CA13: variants seen among roughly 807,000 people sequenced by gnomAD.
CA13 encodes carbonic anhydrase 13.
Under a neutral mutation model 31.5 loss-of-function variants are expected in CA13, and 21 were observed. That is an observed-to-expected ratio of 0.67 (90% CI 0.47 to 0.96). The LOEUF is 0.96. Ranked by LOEUF, CA13 falls within the 40% of genes least tolerant of loss-of-function variation. The pLI is 0.00. For missense variants in CA13, 315 were observed against 318.9 expected (o/e 0.99, Z 0.09); for synonymous variants, 117 against 111.4 (o/e 1.05, Z -0.32).
At chr8:85,255,626 C>T (rs1263037116) in intron 2 of CA13, among the ~76,000 whole-genome samples, 2 of 152,174 alleles carry the variant, frequency 1.3e-5, no homozygotes, top group Admixed American at 1.3e-4. Context: ...AATCCACCCG[C>T]CTTGGCCTCC....
At chr8:85,253,318 G>A (rs1342310597) in intron 2 of CA13, among the ~76,000 whole-genome samples, 2 of 151,982 alleles carry the variant, frequency 1.3e-5, no homozygotes, top group Non-Finnish European at 2.9e-5. Context: ...AGGCTGGAGT[G>A]CAGTGGTGCA....
intron 6 of CA13, among the ~76,000 whole-genome samples, chr8:85,280,881 T>C (rs1328064828): frequency 6.6e-6 from 1 of 152,252 alleles, no homozygotes; most frequent in African/African-American, 2.4e-5. Context: ...AGTTCATTTT[T>C]GTCATAAAAT....
chr8:85,249,225 G>A (rs1388088812), intron 1 of CA13, among the ~76,000 whole-genome samples: 3 of 152,172 alleles, frequency 2.0e-5, no homozygotes, highest in Non-Finnish European at 4.4e-5. Context: ...TGGGCCAGGC[G>A]TGGTGGCTCA....
intron 6 of CA13, among the ~76,000 whole-genome samples, chr8:85,273,472 G>GA (rs538246476): frequency 1.7e-3 from 260 of 152,174 alleles, no homozygotes; most frequent in African/African-American, 5.9e-3. Context: ...TAATCCCACT[G>GA]AAAGATTCTC....
intron 2 of CA13, among the ~76,000 whole-genome samples, chr8:85,254,940 A>G (rs546982174): frequency 6.6e-6 from 1 of 152,234 alleles, no homozygotes; most frequent in East Asian, 1.9e-4. Flanking sequence ...AGGCATGTCA[A>G]TAAACCACAG....
Position 85,283,878 on chromosome 8 carries a change from A to T in CA13, c.*2529A>T, listed in dbSNP as rs1256970181. The T allele has an allele frequency of 1.3e-5, 2 of 152,280 alleles. No individual in the cohort carries two copies. The highest frequency in any genetic ancestry group is 1.3e-4 in the Admixed American group (2 of 15,284). 9.4% of individuals were successfully genotyped at this position (152,280 alleles called of 1,614,324 possible). ...CCTTGAATATTGTGTGTTAATTGAT[A>T]TATCTTCTAGAGGCAAAAGGTTTAA... On this transcript the variant is annotated 3_prime_UTR_variant, in exon 7 of 7. Coordinates refer to ENST00000321764, the MANE Select transcript of CA13 (RefSeq NM_198584.3).
intron 6 of CA13, among the ~76,000 whole-genome samples, chr8:85,269,359 G>A (rs1490566585): frequency 6.6e-6 from 1 of 152,180 alleles, no homozygotes; most frequent in Non-Finnish European, 1.5e-5. Context: ...GTTGAGGTGG[G>A]AGGATTGCTT....
At chr8:85,252,826 AT>A (rs1420433563) in intron 2 of CA13, among the ~76,000 whole-genome samples, 2 of 152,224 alleles carry the variant, frequency 1.3e-5, no homozygotes, top group African/African-American at 4.8e-5. Context: ...TTGAGCCCAG[AT>A]TTAGATTAGT....
At position 85,259,450 on chromosome 8, in the gene CA13, T is replaced by C; in HGVS notation, c.265T>C (p.Tyr89His). The C allele has an allele frequency of 6.2e-7, 1 of 1,614,118 alleles. No individual in the cohort carries two copies. The highest frequency in any genetic ancestry group is 8.5e-7 in the Non-Finnish European group (1 of 1,179,990). ...VLRGGPLTGS[Y>H]RLRQVHLHWG... ...GCGTGGTGGTCCTCTCACTGGAAGCTACAGGTTACGGCAGGTTCACCTTCA... is the reference window on the plus strand; with the variant it reads ...GCGTGGTGGTCCTCTCACTGGAAGCCACAGGTTACGGCAGGTTCACCTTCA... The change falls in exon 3 of 7, where the codon TAC becomes CAC. Residue 89 changes from tyrosine to histidine, a missense_variant. Tyr to His is a moderately conservative substitution (Grantham distance 83). Coordinates refer to ENST00000321764, the MANE Select transcript of CA13 (RefSeq NM_198584.3).
At chr8:85,268,074 ACTTGATG>A in intron 5 of CA13, 110 bp downstream of exon 5, 1 of 661,556 alleles carries the variant, frequency 1.5e-6, no homozygotes, top group Admixed American at 3.3e-5. Flanking sequence ...TTTGCAACAT[ACTTGATG>A]AAAAAAAGCA....
chr8:85,257,936 AATAT>A (rs1226865501), intron 2 of CA13, among the ~76,000 whole-genome samples: 2 of 148,660 alleles, frequency 1.3e-5, no homozygotes, highest in Admixed American at 1.3e-4. Flanking sequence ...CCAGCCAAAA[AATAT>A]ATATATAATA....
At chr8:85,267,863 G>A (rs1287963338) in intron 4 of CA13, 39 bp from the exon 5 acceptor site, 2 of 1,277,770 alleles carry the variant, frequency 1.6e-6, no homozygotes, top group Non-Finnish European at 2.3e-6. Context: ...GACTTGATCT[G>A]CTACAGTAAC....
chr8:85,257,350 C>T (rs1807314994), intron 2 of CA13, among the ~76,000 whole-genome samples: 1 of 152,164 alleles, frequency 6.6e-6, no homozygotes, highest in Non-Finnish European at 1.5e-5. Flanking sequence ...TGCCAGCTTG[C>T]TTGTCATTCA....
At position 85,281,402 on chromosome 8, in the gene CA13, A is replaced by G; in HGVS notation, c.*53A>G. The stretch of plus-strand genomic sequence containing the variant: ...CATGGCTGTGGAGAGACAACAAAAC[A>G]AAACAAAGCACAAAAGTCTCTGCCA... On this transcript the variant is annotated 3_prime_UTR_variant, in exon 7 of 7. Coordinates refer to ENST00000321764, the MANE Select transcript of CA13 (RefSeq NM_198584.3). The G allele has an allele frequency of 1.9e-6, 3 of 1,584,936 alleles. No individual in the cohort carries two copies. The highest frequency in any genetic ancestry group is 2.6e-6 in the Non-Finnish European group (3 of 1,160,538).
intron 2 of CA13, among the ~76,000 whole-genome samples, chr8:85,257,739 A>G (rs1807320513): frequency 6.7e-6 from 1 of 149,524 alleles, no homozygotes; most frequent in Admixed American, 6.6e-5. Flanking sequence ...AAACCCCAAA[A>G]CACTGCAACC....
intron 2 of CA13, among the ~76,000 whole-genome samples, chr8:85,254,602 A>T (rs1393769110): frequency 6.6e-6 from 1 of 152,148 alleles, no homozygotes; most frequent in Non-Finnish European, 1.5e-5. Flanking sequence ...AATTACCAGG[A>T]TTAATTGAAA....
chr8:85,256,278 G>A (rs1046114423), intron 2 of CA13, among the ~76,000 whole-genome samples: 53 of 152,204 alleles, frequency 3.5e-4, no homozygotes, highest in African/African-American at 1.2e-3. Flanking sequence ...TATAGTAGGC[G>A]CTCAATAACA....
rs567584626 is a variant in CA13 at position 85,253,296 on chromosome 8, G to A, written c.235+2359G>A. ...ATTTATTTTTTTGAGACAAGGTCTC[G>A]CTCCATTGCCTAGGCTGGAGTGCAG... is the stretch of plus-strand genomic sequence containing the variant. On this transcript the variant is annotated intron_variant, in intron 2 of 6. Coordinates refer to ENST00000321764, the MANE Select transcript of CA13 (RefSeq NM_198584.3). 8.1e-5 allele frequency among the ~76,000 whole-genome samples: 12 copies of A among 148,986 alleles called. No homozygotes were observed. In the South Asian group the frequency reaches 1.1e-3, roughly 13 times the overall value.
At position 85,259,482 on chromosome 8, in the gene CA13, G is replaced by T. The variant is rs746063440; in HGVS notation, c.297G>T (p.Gly99=). Residue 99 remains glycine, a synonymous_variant, in exon 3 of 7, where the codon GGG becomes GGT. Coordinates refer to ENST00000321764, the MANE Select transcript of CA13 (RefSeq NM_198584.3). ...TACGGCAGGTTCACCTTCACTGGGG[G>T]TCCGCTGATGACCACGGCTCCGAGC... The part of the protein sequence containing the change: ...YRLRQVHLHW[G]SADDHGSEHI... 6.2e-7 allele frequency: 1 copy of T among 1,614,090 alleles called. No individual in the cohort carries two copies. The highest frequency in any genetic ancestry group is 2.2e-5 in the East Asian group (1 of 44,882).
Sources: allele counts gnomAD v4.1 joint callset (sites outside exome capture counted in the v4.1 genomes callset), GRCh38; gene constraint gnomAD v4.1.1; transcripts MANE v1.5; gene names NCBI Gene and HGNC (gene_info 2026-07-23, HGNC 2026-07-21).